HPSE2: variants seen among roughly 807,000 people sequenced by gnomAD.
HPSE2 encodes the protein heparanase 2 (inactive).
In HPSE2, 38 loss-of-function variants were observed where a neutral mutation model predicts 60.5. That is an observed-to-expected ratio of 0.63 (90% confidence interval 0.48 to 0.82). The LOEUF (loss-of-function observed/expected upper bound fraction) is 0.82. HPSE2 is among the 40% of genes least tolerant of loss of function. The probability of loss-of-function intolerance (pLI) is 0.00; values close to 1 mark genes in which losing one functional copy is unlikely to be tolerated. For missense variants in HPSE2, 713 were observed against 740.4 expected (o/e 0.96, Z 0.43); for synonymous variants, 295 against 293.2 (o/e 1.01, Z -0.06).
chr10:98,641,734 CCTATTTTT>C, intron 7 of HPSE2, 105 bp downstream of exon 7: 1 of 815,420 alleles, frequency 1.2e-6, no homozygotes, highest in South Asian at 1.3e-5. Flanking sequence ...GCACTATTTT[CCTATTTTT>C]CTACTCTGGT....
intron 3 of HPSE2, among the ~76,000 whole-genome samples, chr10:99,062,300 C>T (rs1842469478): frequency 6.6e-6 from 1 of 152,096 alleles, no homozygotes; most frequent in Non-Finnish European, 1.5e-5. Context: ...TCCTGTCCAA[C>T]TCCAGGTGAC....
chr10:98,819,136 C>T (rs1319915579), intron 3 of HPSE2, among the ~76,000 whole-genome samples: 1 of 152,134 alleles, frequency 6.6e-6, no homozygotes, highest in African/African-American at 2.4e-5. Flanking sequence ...TTTAATAGGC[C>T]ACCCTCTATG....
At chr10:98,895,869 G>T (rs899082119) in intron 3 of HPSE2, among the ~76,000 whole-genome samples, 3 of 141,146 alleles carry the variant, frequency 2.1e-5, no homozygotes, top group Non-Finnish European at 3.0e-5. Context: ...CTCACTCATA[G>T]ATGGGAATTG....
chr10:99,005,414 T>C (rs1387774156), intron 3 of HPSE2, among the ~76,000 whole-genome samples: 1 of 152,156 alleles, frequency 6.6e-6, no homozygotes, highest in Non-Finnish European at 1.5e-5. Context: ...TTCATTCTTC[T>C]GCTTGATCAA....
Position 99,094,540 on chromosome 10 carries a change from ATTTTTTTTTTTT to A in HPSE2, c.610+49686_610+49697del, listed in dbSNP as rs531721304. ...CATATATATATATATATATATATAT[ATTTTTTTTTTTT>A]TTTTTTTTTTTTTTTTTTTTCTGAG... On this transcript the variant is annotated intron_variant, in intron 3 of 11. Coordinates refer to ENST00000370552, the MANE Select transcript of HPSE2 (RefSeq NM_021828.5). Among the ~76,000 whole-genome samples the A allele has an allele frequency of 1.2e-3, 31 of 26,604 alleles. No individual in the cohort carries two copies. In the South Asian group the frequency reaches 0.013, roughly 11 times the overall value. The allele number at this position is 26,604 out of a possible 152,430, so 17.5% of individuals were successfully genotyped here. A position where few individuals can be genotyped will look rare whatever the true frequency, so the allele number is the denominator to read the frequency against.
intron 3 of HPSE2, among the ~76,000 whole-genome samples, chr10:98,975,762 G>T (rs1035959375): frequency 6.6e-6 from 1 of 152,024 alleles, no homozygotes; most frequent in African/African-American, 2.4e-5. Context: ...AATGCAAACA[G>T]TTGAGGTTGG....
intron 5 of HPSE2, among the ~76,000 whole-genome samples, chr10:98,695,967 A>G (rs1341923693): frequency 6.6e-6 from 1 of 152,194 alleles, no homozygotes; most frequent in Non-Finnish European, 1.5e-5. Context: ...AAGGAGAAAG[A>G]AAACAGATTA....
the HPSE2 span, among the ~76,000 whole-genome samples, chr10:99,305,977 GCGCA>G: frequency 2.0e-3 from 110 of 53,732 alleles, 2 homozygotes; most frequent in African/African-American, 5.2e-3. Flanking sequence ...GCGCGCGCGC[GCGCA>G]CACACACACA....
At chr10:98,808,664 A>G (rs1025240872) in intron 3 of HPSE2, among the ~76,000 whole-genome samples, 1 of 152,192 alleles carries the variant, frequency 6.6e-6, no homozygotes, top group Non-Finnish European at 1.5e-5. Context: ...TAATGCAAAC[A>G]TCTGATAATC....
chr10:98,462,809 T>C (rs1228264276), intron 11 of HPSE2, among the ~76,000 whole-genome samples: 1 of 152,172 alleles, frequency 6.6e-6, no homozygotes, highest in Non-Finnish European at 1.5e-5. Context: ...TCGGTCACTA[T>C]CCACAAGCTG....
intron 10 of HPSE2, 82 bp from the exon 11 acceptor site, chr10:98,482,864 A>C: frequency 6.8e-7 from 1 of 1,465,800 alleles, no homozygotes; most frequent in Non-Finnish European, 9.5e-7. Context: ...TAGACTGTAC[A>C]AAATATGAAC....
chr10:98,836,327 T>A (rs1951789577), intron 3 of HPSE2, among the ~76,000 whole-genome samples: 1 of 152,218 alleles, frequency 6.6e-6, no homozygotes, highest in South Asian at 2.1e-4. Context: ...CATGGTTATT[T>A]AGTAACCTGA....
In HPSE2 at chr10:99,205,427, T is replaced by C. The variant is rs896720996; in HGVS notation, c.448+26921A>G. On this transcript the variant is annotated intron_variant, in intron 2 of 11. Coordinates refer to ENST00000370552, the MANE Select transcript of HPSE2 (RefSeq NM_021828.5). ...TGAAAGCCCCTCTCTACCAAAACTA[T>C]AAAAATTAGCCAGGCATGGTGGCAG... Among the ~76,000 whole-genome samples the C allele has an allele frequency of 2.6e-5, 4 of 151,740 alleles. No individual in the cohort carries two copies. The East Asian group carries it at 7.8e-4, about 29-fold the overall frequency.
At chr10:99,131,994 C>A (rs541247072) in intron 3 of HPSE2, among the ~76,000 whole-genome samples, 1 of 151,558 alleles carries the variant, frequency 6.6e-6, no homozygotes, top group Non-Finnish European at 1.5e-5. Flanking sequence ...TGCTTGTAAT[C>A]CCAGCTACTC....
intron 6 of HPSE2, among the ~76,000 whole-genome samples, chr10:98,666,838 T>G (rs1471862289): frequency 6.6e-6 from 1 of 151,950 alleles, no homozygotes; most frequent in East Asian, 1.9e-4. Context: ...GTTAAAAAAT[T>G]TCAAATTAAT....
rs1216545793 is a variant in HPSE2, at chr10:99,153,804, G to A, written c.449-9405C>T. On this transcript the variant is annotated intron_variant, in intron 2 of 11. Coordinates refer to ENST00000370552, the MANE Select transcript of HPSE2 (RefSeq NM_021828.5). ...AGGCTTCAGACGATCAAATTACTCT[G>A]AGCTACGGGAGGACATTCAAACCAA... is the stretch of plus-strand genomic sequence containing the variant. Among the ~76,000 whole-genome samples, 7 of 152,206 alleles carry A rather than the reference G, an allele frequency of 4.6e-5. No individual in the cohort carries two copies. The East Asian group carries it at 1.4e-3, about 29-fold the overall frequency.
chr10:98,577,542 T>A (rs1944675579), intron 9 of HPSE2, among the ~76,000 whole-genome samples: 1 of 152,192 alleles, frequency 6.6e-6, no homozygotes, highest in Non-Finnish European at 1.5e-5. Context: ...CTCACAAAAG[T>A]CCTCATAAAT....
chr10:98,866,015 A>G (rs1952578943), intron 3 of HPSE2, among the ~76,000 whole-genome samples: 1 of 152,154 alleles, frequency 6.6e-6, no homozygotes, highest in African/African-American at 2.4e-5. Context: ...CTCTCATTCA[A>G]TGAAGGATTA....
intron 3 of HPSE2, among the ~76,000 whole-genome samples, chr10:98,894,558 T>C (rs1174282768): frequency 1.3e-5 from 2 of 151,792 alleles, no homozygotes; most frequent in African/African-American, 2.4e-5. Flanking sequence ...ACATGGAAGA[T>C]AGAGCTAAAG....
Sources: allele counts gnomAD v4.1 joint callset (sites outside exome capture counted in the v4.1 genomes callset), GRCh38; gene constraint gnomAD v4.1.1; transcripts MANE v1.5; gene names NCBI Gene and HGNC (gene_info 2026-07-23, HGNC 2026-07-21).